LMX1A: variants seen among roughly 807,000 people sequenced by gnomAD.
The protein encoded by LMX1A is LIM homeobox transcription factor 1-alpha.
Under a neutral mutation model 49.1 loss-of-function variants are expected in LMX1A, and 15 were observed. The observed-to-expected ratio is 0.31, with a 90% CI of 0.20 to 0.47. The LOEUF is 0.47. Among genes scored for constraint, LMX1A ranks in the 20% least tolerant of loss-of-function variants. LMX1A has a pLI of 1.00. For synonymous variants in LMX1A, 167 were observed against 185.7 expected, an observed-to-expected ratio of 0.90 and a Z score of 0.82; for missense variants, 372 against 475.8, an observed-to-expected ratio of 0.78 and a Z score of 2.03.
At chr1:165,301,548 C>G (rs1366351734) in intron 3 of LMX1A, among the ~76,000 whole-genome samples, 1 of 152,182 alleles carries the variant, frequency 6.6e-6, no homozygotes, top group Non-Finnish European at 1.5e-5. Flanking sequence ...TGCCCTTCTC[C>G]CTGTTTACCC....
At chr1:165,264,622 A>G (rs571995640) in intron 3 of LMX1A, among the ~76,000 whole-genome samples, 1 of 152,068 alleles carries the variant, frequency 6.6e-6, no homozygotes, top group East Asian at 1.9e-4. Flanking sequence ...GCGGCAGTGC[A>G]CTCTCAGATC....
intron 8 of LMX1A, among the ~76,000 whole-genome samples, chr1:165,204,748 T>A (rs1181737023): frequency 6.6e-6 from 1 of 152,222 alleles, no homozygotes; most frequent in Non-Finnish European, 1.5e-5. Context: ...ACAGGGATAC[T>A]TCATGTAACA....
intron 3 of LMX1A, among the ~76,000 whole-genome samples, chr1:165,282,388 AC>A (rs1654180843): frequency 6.6e-6 from 1 of 152,198 alleles, no homozygotes; most frequent in South Asian, 2.1e-4. Context: ...ACCTACGCAC[AC>A]CCTTCTGTAT....
At chr1:165,252,702 G>A (rs1234741649) in intron 3 of LMX1A, among the ~76,000 whole-genome samples, 7 of 152,198 alleles carry the variant, frequency 4.6e-5, no homozygotes, top group Non-Finnish European at 7.3e-5. Flanking sequence ...AATGGCCAGA[G>A]AGAGCAGATA....
intron 3 of LMX1A, among the ~76,000 whole-genome samples, chr1:165,315,096 G>A (rs192770386): frequency 1.1e-3 from 162 of 152,328 alleles, no homozygotes; most frequent in African/African-American, 3.1e-3. Flanking sequence ...AGCAAGGCAC[G>A]TCTTATCAAT....
intron 3 of LMX1A, among the ~76,000 whole-genome samples, chr1:165,278,504 A>G (rs1232642634): frequency 6.6e-6 from 1 of 152,016 alleles, no homozygotes; most frequent in African/African-American, 2.4e-5. Context: ...GTTCCTAATC[A>G]AACACTGGAT....
intron 3 of LMX1A, among the ~76,000 whole-genome samples, chr1:165,258,196 A>T (rs547774892): frequency 3.9e-5 from 6 of 152,380 alleles, no homozygotes; most frequent in African/African-American, 1.4e-4. Context: ...GGGATTGGCC[A>T]TAAGCCAAAA....
At chr1:165,272,648 G>A (rs563540858) in intron 3 of LMX1A, among the ~76,000 whole-genome samples, 15 of 152,312 alleles carry the variant, frequency 9.8e-5, no homozygotes, top group African/African-American at 3.6e-4. Context: ...GGAAGAGGAT[G>A]AACTGAAGTC....
At chr1:165,280,379 C>A (rs1415591373) in intron 3 of LMX1A, among the ~76,000 whole-genome samples, 1 of 152,162 alleles carries the variant, frequency 6.6e-6, no homozygotes, top group East Asian at 1.9e-4. Flanking sequence ...CCCAAAGCAC[C>A]CCACCCTGAT....
intron 4 of LMX1A, among the ~76,000 whole-genome samples, chr1:165,217,722 T>C (rs541800549): frequency 6.6e-6 from 1 of 152,214 alleles, no homozygotes; most frequent in Non-Finnish European, 1.5e-5. Context: ...TTGAAAAAAA[T>C]CCACATATAA....
chr1:165,202,883 C>T lies in LMX1A; in HGVS notation c.*997G>A, dbSNP rs1650905466. On this transcript the variant is annotated 3_prime_UTR_variant, in exon 9 of 9. Coordinates refer to ENST00000342310, the MANE Select transcript of LMX1A (RefSeq NM_177398.4). ...TGCCAAGTGAGTGGCCTGGTTGTATCTTAAACAAATATCAGATATTAGTCT... is the reference window on the plus strand; with the variant it reads ...TGCCAAGTGAGTGGCCTGGTTGTATTTTAAACAAATATCAGATATTAGTCT... 6.5e-6 allele frequency: 1 copy of T among 152,682 alleles called. No individual in the cohort carries two copies. The highest frequency in any genetic ancestry group is 1.5e-5 in the Non-Finnish European group (1 of 68,090). 9.5% of individuals were successfully genotyped at this position (152,682 alleles called of 1,614,324 possible).
chr1:165,333,142 C>A (rs1186207691), intron 3 of LMX1A, among the ~76,000 whole-genome samples: 1 of 152,138 alleles, frequency 6.6e-6, no homozygotes, highest in Non-Finnish European at 1.5e-5. Flanking sequence ...ACCTCTTTGC[C>A]TGGACTGCCT....
chr1:165,290,903 T>C (rs1400191745), intron 3 of LMX1A, among the ~76,000 whole-genome samples: 1 of 152,238 alleles, frequency 6.6e-6, no homozygotes, highest in African/African-American at 2.4e-5. Context: ...GTGATTCTGA[T>C]GCACATAATG....
intron 3 of LMX1A, among the ~76,000 whole-genome samples, chr1:165,253,408 GGAA>G (rs1653125238): frequency 6.6e-6 from 1 of 152,136 alleles, no homozygotes; most frequent in African/African-American, 2.4e-5. Context: ...GAAGCTTCCT[GGAA>G]GAAGACAAGA....
At chr1:165,341,315 A>G (rs898048317) in intron 3 of LMX1A, among the ~76,000 whole-genome samples, 2 of 152,036 alleles carry the variant, frequency 1.3e-5, no homozygotes, top group African/African-American at 2.4e-5. Flanking sequence ...CCATTTGCAC[A>G]TGTTTCTTCT....
At chr1:165,258,178 CAG>C (rs1247531512) in intron 3 of LMX1A, among the ~76,000 whole-genome samples, 1 of 152,236 alleles carries the variant, frequency 6.6e-6, no homozygotes, top group Non-Finnish European at 1.5e-5. Flanking sequence ...GTCATCCAGG[CAG>C]AGACAGGGAT....
At chr1:165,249,329 A>T in intron 4 of LMX1A, 79 bp downstream of exon 4, 2 of 981,914 alleles carry the variant, frequency 2.0e-6, no homozygotes, top group Non-Finnish European at 3.2e-6. Context: ...CTGGCCATCT[A>T]GGGAAGAAAC....
At chr1:165,346,257 T>C (rs74715591) in intron 3 of LMX1A, among the ~76,000 whole-genome samples, 2 of 152,272 alleles carry the variant, frequency 1.3e-5, no homozygotes, top group East Asian at 1.9e-4. Context: ...CAAGGAGACG[T>C]TGGAGGCCCA....
intron 3 of LMX1A, among the ~76,000 whole-genome samples, chr1:165,282,275 A>G (rs1403710666): frequency 3.9e-5 from 6 of 152,278 alleles, no homozygotes; most frequent in African/African-American, 1.2e-4. Context: ...CTGAATATAC[A>G]GTCACCCCTC....
Sources: allele counts gnomAD v4.1 joint callset (sites outside exome capture counted in the v4.1 genomes callset), GRCh38; gene constraint gnomAD v4.1.1; transcripts MANE v1.5; gene names NCBI Gene and HGNC (gene_info 2026-07-23, HGNC 2026-07-21).